USP34: variants seen among roughly 807,000 people sequenced by gnomAD.
The protein encoded by USP34 is ubiquitin specific peptidase 34.
A neutral mutation model predicts 460.3 loss-of-function variants in USP34; 70 were observed. The observed-to-expected ratio is 0.15, with a 90% CI of 0.13 to 0.19. The LOEUF (loss-of-function observed/expected upper bound fraction) is 0.19. USP34 is among the 10% of genes least tolerant of loss of function. The pLI is 1.00. For missense variants in USP34, 3,985 were observed against 4,236.2 expected (o/e 0.94, Z 1.65); for synonymous variants, 1,647 against 1,405.3 (o/e 1.17, Z -3.85).
intron 23 of USP34, among the ~76,000 whole-genome samples, chr2:61,315,487 C>A (rs1690715357): frequency 6.6e-6 from 1 of 151,996 alleles, no homozygotes; most frequent in South Asian, 2.1e-4. Context: ...GATTCTCATG[C>A]CTTAGCCTCC....
intron 5 of USP34, among the ~76,000 whole-genome samples, chr2:61,384,472 C>A (rs1442795876): frequency 6.6e-6 from 1 of 151,900 alleles, no homozygotes; most frequent in Non-Finnish European, 1.5e-5. Flanking sequence ...GAGTTCAAGA[C>A]CAGCCTGGGC....
chr2:61,237,757 G>A (rs1290298956), intron 53 of USP34, among the ~76,000 whole-genome samples: 1 of 146,142 alleles, frequency 6.8e-6, no homozygotes, highest in Non-Finnish European at 1.5e-5. Flanking sequence ...TTTTTTTTTT[G>A]TAGAGATGGG....
chr2:61,283,439 C>G lies in USP34; in HGVS notation c.4843G>C (p.Ala1615Pro). The G allele has an allele frequency of 6.2e-7, 1 of 1,606,032 alleles. No individual in the cohort carries two copies. The highest frequency in any genetic ancestry group is 8.5e-7 in the Non-Finnish European group (1 of 1,177,154). The change falls in exon 36 of 80, where the codon GCT (alanine) becomes CCT (proline). Residue 1615 changes from alanine (A) to proline (P), a missense_variant. By Grantham distance (27) the Ala-to-Pro change is conservative. Transcript: ENST00000398571. The part of the protein sequence containing the change: ...YDNLAPRVLK[A>P]QSDHRSRHEV... Reference sequence around the variant, plus strand: ...TGTCTAGACCTGTGATCAGACTGAGCTTTTAAAACTCTGTAAAGTAAAAAC... The same window carrying G: ...TGTCTAGACCTGTGATCAGACTGAGGTTTTAAAACTCTGTAAAGTAAAAAC...
At chr2:61,316,093 C>CT (rs1326959888) in intron 23 of USP34, among the ~76,000 whole-genome samples, 2 of 150,956 alleles carry the variant, frequency 1.3e-5, no homozygotes, top group East Asian at 3.9e-4. Context: ...ATAATCCCAG[C>CT]TACTCGGGAG....
At chr2:61,371,080 T>G (rs868731184) in intron 8 of USP34, among the ~76,000 whole-genome samples, 3 of 152,198 alleles carry the variant, frequency 2.0e-5, no homozygotes, top group Non-Finnish European at 4.4e-5. Context: ...CAGACAGTCA[T>G]GTACTGCATA....
intron 53 of USP34, among the ~76,000 whole-genome samples, chr2:61,241,306 T>G (rs912464604): frequency 6.6e-6 from 1 of 152,192 alleles, no homozygotes; most frequent in Non-Finnish European, 1.5e-5. Context: ...CCTCCCAAAG[T>G]GCTGAGATTA....
intron 53 of USP34, among the ~76,000 whole-genome samples, chr2:61,238,352 C>G (rs1157450198): frequency 6.6e-6 from 1 of 152,102 alleles, no homozygotes; most frequent in South Asian, 2.1e-4. Flanking sequence ...TTGCCTGGCC[C>G]GAAGCATTCT....
chr2:61,214,579 T>C lies in USP34; in HGVS notation c.8163A>G (p.Thr2721=), dbSNP rs766940066. The change falls in exon 68 of 80, where the codon ACA becomes ACG. Residue 2721 remains threonine, a synonymous_variant. Coordinates refer to ENST00000398571, the MANE Select transcript of USP34 (RefSeq NM_014709.4). ...CGTTGTAGACCTGATGTAGGACTACTGTTGTGTCTGGACTGAGTGGAAGGT... is the reference window on the plus strand; with the variant it reads ...CGTTGTAGACCTGATGTAGGACTACCGTTGTGTCTGGACTGAGTGGAAGGT... ...TRDLPLSPDT[T]VVLHQVYNVL... 1 of 1,613,920 alleles carries C rather than the reference T, an allele frequency of 6.2e-7. No homozygotes were observed. The highest frequency in any genetic ancestry group is 2.2e-5 in the East Asian group (1 of 44,888).
At chr2:61,384,456 G>C (rs144339742) in intron 5 of USP34, among the ~76,000 whole-genome samples, 1 of 152,064 alleles carries the variant, frequency 6.6e-6, no homozygotes, top group East Asian at 1.9e-4. Flanking sequence ...GATCACTTGA[G>C]GTCAGGAGTT....
At chr2:61,442,896 TGTACACACACACAC>T (rs1695003866) in intron 1 of USP34, among the ~76,000 whole-genome samples, 1 of 78,718 alleles carries the variant, frequency 1.3e-5, no homozygotes, top group African/African-American at 4.9e-5. Context: ...ATGTGATGTG[TGTACACACACACAC>T]ACACACACAC....
At chr2:61,399,844 G>A (rs1446847085) in intron 3 of USP34, among the ~76,000 whole-genome samples, 1 of 132,646 alleles carries the variant, frequency 7.5e-6, no homozygotes, top group East Asian at 2.4e-4. Context: ...CTGCACTCCA[G>A]CCTCGGCAAC....
chr2:61,408,800 G>C (rs1267501754), intron 2 of USP34, among the ~76,000 whole-genome samples: 2 of 152,002 alleles, frequency 1.3e-5, no homozygotes, highest in African/African-American at 4.8e-5. Context: ...GGCTGAGGCA[G>C]GAGAGTCACT....
chr2:61,413,440 C>T (rs1398598207), intron 2 of USP34, among the ~76,000 whole-genome samples: 10 of 148,764 alleles, frequency 6.7e-5, no homozygotes. Flanking sequence ...GAGTGAGTGG[C>T]TCACGCCTGT....
rs749658712 is a variant in USP34 at position 61,331,185 on chromosome 2, T to C, written c.2930+91A>G. The stretch of plus-strand genomic sequence containing the variant: ...TAAAGTTTTCTGTTACAATTACTTA[T>C]TATATGAAAAAAAGTTAAAACACTG... On this transcript the variant is annotated intron_variant, in intron 20 of 79. Transcript: ENST00000398571. The C allele has an allele frequency of 4.2e-4, 451 of 1,075,062 alleles. No individual in the cohort carries two copies. The highest frequency in any genetic ancestry group is 5.7e-4 in the Non-Finnish European group (432 of 754,818). The allele number at this position is 1,075,062 out of a possible 1,614,324, so 66.6% of individuals were successfully genotyped here.
At chr2:61,359,098 T>A (rs1692195201) in intron 10 of USP34, among the ~76,000 whole-genome samples, 1 of 152,086 alleles carries the variant, frequency 6.6e-6, no homozygotes, top group Non-Finnish European at 1.5e-5. Context: ...AAGCTGATCT[T>A]CAAATTCATA....
At chr2:61,268,958 TAACTA>T (rs1177282176) in intron 41 of USP34, among the ~76,000 whole-genome samples, 1 of 152,104 alleles carries the variant, frequency 6.6e-6, no homozygotes, top group African/African-American at 2.4e-5. Context: ...TGTAATGTAA[TAACTA>T]AATATAGAAG....
intron 41 of USP34, among the ~76,000 whole-genome samples, chr2:61,266,377 T>C (rs1689046515): frequency 6.6e-6 from 1 of 152,210 alleles, no homozygotes; most frequent in Admixed American, 6.5e-5. Context: ...TCCTTTTTGA[T>C]ACCTAATAAG....
intron 27 of USP34, among the ~76,000 whole-genome samples, chr2:61,310,648 A>G (rs1255980508): frequency 6.6e-6 from 1 of 150,506 alleles, no homozygotes; most frequent in Non-Finnish European, 1.5e-5. Flanking sequence ...CCTATAAAAG[A>G]TATCAGAAAT....
At position 61,187,827 on chromosome 2, in the gene USP34, C is replaced by T; in HGVS notation, c.*275G>A. 8.8e-7 allele frequency: 1 copy of T among 1,131,236 alleles called. No homozygotes were observed. Among genetic ancestry groups the T allele is most frequent in the Non-Finnish European group, 1.1e-6 (1 of 878,004 alleles). 70.1% of individuals were successfully genotyped at this position (1,131,236 alleles called of 1,614,324 possible). On this transcript the variant is annotated 3_prime_UTR_variant, in exon 80 of 80. Coordinates refer to ENST00000398571, the MANE Select transcript of USP34 (RefSeq NM_014709.4). The stretch of plus-strand genomic sequence containing the variant: ...TACAGGGCTAGGCAACCCTGTTCTT[C>T]CCAGACAGCCATATTAAATGAAAGC...
Sources: gnomAD v4.1 joint callset for allele counts (sites outside exome capture counted in the v4.1 genomes callset) on GRCh38, gnomAD v4.1.1 for gene constraint, MANE v1.5 for transcripts, NCBI Gene and HGNC (gene_info 2026-07-23, HGNC 2026-07-21) for gene names.